Variants in NAV2 observed in about 807,000 individuals in gnomAD.
NAV2 encodes the protein helicase, APC down-regulated 1.
In NAV2, 54 loss-of-function variants were observed where a neutral mutation model predicts 223.2. That is an observed-to-expected ratio of 0.24 (90% CI 0.19 to 0.30). The LOEUF is 0.30. Ranked by LOEUF, NAV2 falls within the 10% of genes least tolerant of loss-of-function variation. NAV2 has a pLI of 1.00. For missense variants in NAV2, 2,806 were observed against 3,147.5 expected (o/e 0.89, Z 2.60); for synonymous variants, 1,279 against 1,239.3 (o/e 1.03, Z -0.67).
intron 1 of NAV2, among the ~76,000 whole-genome samples, chr11:19,406,898 C>T (rs1453303232): frequency 6.6e-6 from 1 of 152,220 alleles, no homozygotes; most frequent in African/African-American, 2.4e-5. Context: ...TTCTGGGCCA[C>T]ACACCAAATG....
chr11:19,773,754 A>T (rs891426194), intron 1 of NAV2, among the ~76,000 whole-genome samples: 1 of 152,152 alleles, frequency 6.6e-6, no homozygotes, highest in Non-Finnish European at 1.5e-5. Flanking sequence ...CATCTGTACC[A>T]TCATGCTGGT....
At chr11:19,547,456 C>A (rs1565037980) in intron 1 of NAV2, among the ~76,000 whole-genome samples, 1 of 152,138 alleles carries the variant, frequency 6.6e-6, no homozygotes, top group Non-Finnish European at 1.5e-5. Flanking sequence ...GATTTTTTCC[C>A]TTTCTTCCCT....
rs367691791 is a variant in NAV2 at position 19,634,730 on chromosome 11, A to C, written c.76-197754A>C. ...GGGAAGAGGCAATTAAACATTTCAC[A>C]GGTTAGGTACATTGGTAGAAGAGAA... On this transcript the variant is annotated intron_variant, in intron 1 of 37. Transcript: ENST00000360655. Among the ~76,000 whole-genome samples, 81 of 152,214 alleles carry C rather than the reference A, an allele frequency of 5.3e-4. 1 individual carries two copies. Among genetic ancestry groups the C allele is most frequent in the African/African-American group, 1.8e-3 (75 of 41,458 alleles).
chr11:19,598,101 C>T (rs570644838), intron 1 of NAV2, among the ~76,000 whole-genome samples: 1 of 152,366 alleles, frequency 6.6e-6, no homozygotes, highest in South Asian at 2.1e-4. Context: ...GCCGCCGCCC[C>T]CTGACAGTGA....
intron 6 of NAV2, among the ~76,000 whole-genome samples, chr11:19,897,053 A>G (rs1201084857): frequency 6.6e-6 from 1 of 152,146 alleles, no homozygotes; most frequent in Non-Finnish European, 1.5e-5. Flanking sequence ...CTATGCAGCC[A>G]TAAAAAATGA....
At chr11:19,866,932 A>G (rs1185217742) in intron 3 of NAV2, among the ~76,000 whole-genome samples, 25 of 152,186 alleles carry the variant, frequency 1.6e-4, no homozygotes, top group Admixed American at 1.6e-3. Context: ...AAGATATTAT[A>G]TAAAAGAAGT....
At chr11:19,497,334 G>A (rs1189254676) in intron 1 of NAV2, among the ~76,000 whole-genome samples, 2 of 152,198 alleles carry the variant, frequency 1.3e-5, no homozygotes, top group Admixed American at 6.5e-5. Flanking sequence ...ACATAGTCTG[G>A]TGTATAGTAG....
intron 5 of NAV2, among the ~76,000 whole-genome samples, chr11:19,890,057 C>T (rs1020368444): frequency 1.3e-5 from 2 of 152,226 alleles, no homozygotes; most frequent in East Asian, 1.9e-4. Context: ...CTGGAGAAGA[C>T]GAGAAAGGAA....
chr11:20,075,047 G>A (rs1469076654), intron 22 of NAV2, among the ~76,000 whole-genome samples: 1 of 152,054 alleles, frequency 6.6e-6, no homozygotes, highest in African/African-American at 2.4e-5. Context: ...TGCAATATGA[G>A]GATAGTAAAT....
chr11:19,936,640 CCT>C (rs2045933500), intron 7 of NAV2, among the ~76,000 whole-genome samples: 1 of 152,204 alleles, frequency 6.6e-6, no homozygotes, highest in African/African-American at 2.4e-5. Context: ...TGGGCCCTGT[CCT>C]TTATCAGCCC....
intron 1 of NAV2, among the ~76,000 whole-genome samples, chr11:19,481,974 C>G (rs891021256): frequency 4.6e-5 from 7 of 152,290 alleles, no homozygotes; most frequent in Admixed American, 4.6e-4. Context: ...CTTCATGTTA[C>G]TTTCAAAGAC....
At chr11:19,703,861 C>G (rs2049581901) in intron 1 of NAV2, among the ~76,000 whole-genome samples, 1 of 152,174 alleles carries the variant, frequency 6.6e-6, no homozygotes, top group Non-Finnish European at 1.5e-5. Flanking sequence ...TTCATTGGTC[C>G]AGGGTGGGAC....
At chr11:19,794,084 A>G (rs2057733181) in intron 1 of NAV2, among the ~76,000 whole-genome samples, 1 of 152,160 alleles carries the variant, frequency 6.6e-6, no homozygotes, top group Non-Finnish European at 1.5e-5. Flanking sequence ...GCCCCATGAC[A>G]TAGGGACATG....
chr11:19,976,580 A>G (rs2049775801), intron 10 of NAV2, among the ~76,000 whole-genome samples: 1 of 152,196 alleles, frequency 6.6e-6, no homozygotes, highest in African/African-American at 2.4e-5. Flanking sequence ...TAGCTTAGCA[A>G]CATCTTTGCA....
intron 1 of NAV2, among the ~76,000 whole-genome samples, chr11:19,364,949 C>T (rs1854179792): frequency 6.6e-6 from 1 of 152,220 alleles, no homozygotes; most frequent in Admixed American, 6.5e-5. Context: ...CGTTCGTTCA[C>T]CTTCTGTAGG....
intron 5 of NAV2, among the ~76,000 whole-genome samples, chr11:19,889,558 A>G (rs2041315901): frequency 6.6e-6 from 1 of 152,152 alleles, no homozygotes; most frequent in Non-Finnish European, 1.5e-5. Flanking sequence ...TGCCATGTCC[A>G]CTATCCTCAC....
Position 19,933,708 on chromosome 11 carries a change from G to C in NAV2, c.1464G>C (p.Glu488Asp). The change falls in exon 7 of 38, where the codon GAG (glutamate) becomes GAC (aspartate). Residue 488 changes from glutamate (E) to aspartate (D), a missense_variant. This residue lies in a region of NAV2 where 1,167 missense variants were observed against 1,180.5 expected (regional missense o/e 0.99). Transcript: ENST00000349880. This position sits in a 1 kb window ranked among gnomAD's most constrained non-coding sequence, Gnocchi z 4.3. Reference sequence around the variant, plus strand: ...GTTCTCTGAAAGGCAATGAGAAAGAGAAGGAGAAACAACAGCGGGAGAAGG... The same window carrying C: ...GTTCTCTGAAAGGCAATGAGAAAGACAAGGAGAAACAACAGCGGGAGAAGG... ...KKSSLKGNEK[E>D]KEKQQREKDK... 1 of 1,614,194 alleles carries C rather than the reference G, an allele frequency of 6.2e-7. No individual in the cohort carries two copies. The highest frequency in any genetic ancestry group is 8.5e-7 in the Non-Finnish European group (1 of 1,180,034).
chr11:19,446,098 T>C (rs532984419), intron 1 of NAV2, among the ~76,000 whole-genome samples: 6 of 152,188 alleles, frequency 3.9e-5, no homozygotes, highest in Non-Finnish European at 8.8e-5. Flanking sequence ...TTGCTCAGTC[T>C]CATCTATAGA....
rs191654731 is a variant in NAV2 at position 19,603,518 on chromosome 11, T to C, written c.76-228966T>C. Among the ~76,000 whole-genome samples, 1,254 of 151,296 alleles carry C rather than the reference T, an allele frequency of 8.3e-3. 16 individuals carry two copies. Among genetic ancestry groups the C allele is most frequent in the African/African-American group, 0.028 (1,164 of 41,146 alleles). ...GGCATGCGCCTGTAGTCCCAGCTAC[T>C]TGGGAGGCAGAGGCAGGAGGATCGC... On this transcript the variant is annotated intron_variant, in intron 1 of 37. Coordinates refer to the NAV2 transcript ENST00000360655.
Sources: gnomAD v4.1 joint callset for allele counts (sites outside exome capture counted in the v4.1 genomes callset) on GRCh38, gnomAD v4.1.1 for gene constraint, gnomAD v4.1.1 regional missense constraint, Gnocchi (gnomAD v3.1) non-coding constraint, MANE v1.5 for transcripts, NCBI Gene and HGNC (gene_info 2026-07-23, HGNC 2026-07-21) for gene names.